Variants in LACTB2 observed in about 807,000 individuals in gnomAD.
The protein encoded by LACTB2 is lactamase beta 2.
LACTB2 carries 32 observed loss-of-function variants against 34.8 expected under a neutral mutation model. The observed-to-expected ratio is 0.92, with a 90% CI of 0.69 to 1.24. The LOEUF is 1.24. LACTB2 is among the 50% of genes most tolerant of loss of function. The pLI is 0.00. For missense variants in LACTB2, 320 were observed against 345.0 expected (o/e 0.93, Z 0.57); for synonymous variants, 120 against 117.5 (o/e 1.02, Z -0.14).
At chr8:70,643,420 A>C (rs1390234579) in intron 4 of LACTB2, among the ~76,000 whole-genome samples, 1 of 151,424 alleles carries the variant, frequency 6.6e-6, no homozygotes, top group Non-Finnish European at 1.5e-5. Flanking sequence ...ACAGGGTTTC[A>C]CCATGTTGGC....
chr8:70,652,678 G>A (rs1818357659), intron 3 of LACTB2: 1 of 152,180 alleles, frequency 6.6e-6, no homozygotes, highest in African/African-American at 2.4e-5. Flanking sequence ...CACTGATACT[G>A]TTCCGTTTCT....
intron 3 of LACTB2, among the ~76,000 whole-genome samples, chr8:70,652,315 G>C (rs1358166476): frequency 6.6e-6 from 1 of 151,984 alleles, no homozygotes; most frequent in Non-Finnish European, 1.5e-5. Flanking sequence ...CAAAGGTTTT[G>C]CTTAAAATAT....
chr8:70,649,292 G>A (rs558732851), intron 3 of LACTB2, among the ~76,000 whole-genome samples: 8 of 152,226 alleles, frequency 5.3e-5, no homozygotes, highest in Middle Eastern at 3.4e-3. Flanking sequence ...CATCAGGCCC[G>A]GAGGAAAACA....
intron 1 of LACTB2, 118 bp downstream of exon 1, chr8:70,668,881 G>T (rs1586793402): frequency 7.2e-7 from 1 of 1,397,714 alleles, no homozygotes; most frequent in Admixed American, 2.3e-5. Context: ...CTAGGCGCGG[G>T]GCTGCCCAGC....
intron 2 of LACTB2, among the ~76,000 whole-genome samples, chr8:70,659,066 T>C (rs1417398256): frequency 6.6e-6 from 1 of 152,072 alleles, no homozygotes; most frequent in African/African-American, 2.4e-5. Flanking sequence ...GCATGACATA[T>C]GTGTGACAAC....
Position 70,657,781 on chromosome 8 carries a change from T to C in LACTB2, c.388A>G (p.Ile130Val). The C allele has an allele frequency of 6.2e-7, 1 of 1,613,068 alleles. No individual in the cohort carries two copies. The highest frequency in any genetic ancestry group is 1.1e-5 in the South Asian group (1 of 91,010). The change falls in exon 3 of 7, where the codon ATT (isoleucine) becomes GTT (valine). Residue 130 changes from isoleucine to valine, a missense_variant. Transcript: ENST00000276590. ...CTTAGAGTGGCTCCCTCAGTCTTAA[T>C]CACATCTCCATCTTTCAGATAAACA... ...QYVYLKDGDV[I>V]KTEGATLRVL...
chr8:70,665,896 A>T (rs776535873), intron 1 of LACTB2, among the ~76,000 whole-genome samples: 2 of 152,206 alleles, frequency 1.3e-5, no homozygotes, highest in Non-Finnish European at 2.9e-5. Flanking sequence ...TCTTGAGCAG[A>T]GGAGGAAAGT....
chr8:70,652,208 C>T (rs1818352247), intron 3 of LACTB2, among the ~76,000 whole-genome samples: 1 of 152,110 alleles, frequency 6.6e-6, no homozygotes. Flanking sequence ...CAGATTTTAA[C>T]CTTCTATTTA....
chr8:70,642,035 T>C (rs907173743), intron 4 of LACTB2, among the ~76,000 whole-genome samples: 3 of 152,196 alleles, frequency 2.0e-5, no homozygotes, highest in Non-Finnish European at 4.4e-5. Flanking sequence ...ACCTGATGGC[T>C]AGAAGACTTT....
intron 3 of LACTB2, among the ~76,000 whole-genome samples, chr8:70,645,558 G>A (rs1249364196): frequency 2.0e-5 from 3 of 150,748 alleles, no homozygotes; most frequent in Admixed American, 6.6e-5. Flanking sequence ...GGTTAGTTAC[G>A]TATGTATACA....
At chr8:70,657,706 C>T in intron 3 of LACTB2, 50 bp downstream of exon 3, 1 of 1,499,078 alleles carries the variant, frequency 6.7e-7, no homozygotes, top group Non-Finnish European at 8.9e-7. Flanking sequence ...TTTTCTATAA[C>T]ACACATACAC....
At chr8:70,641,768 T>C (rs1324390870) in intron 4 of LACTB2, among the ~76,000 whole-genome samples, 1 of 152,196 alleles carries the variant, frequency 6.6e-6, no homozygotes, top group Non-Finnish European at 1.5e-5. Flanking sequence ...TTTAAGACAG[T>C]ACACATTAAT....
chr8:70,662,060 C>A, intron 1 of LACTB2, 163 bp from the exon 2 acceptor site: 1 of 536,090 alleles, frequency 1.9e-6, no homozygotes, highest in South Asian at 3.4e-5. Flanking sequence ...AGTAATCTCA[C>A]CCTAAGAAAG....
chr8:70,668,762 T>G (rs962810164), intron 1 of LACTB2, among the ~76,000 whole-genome samples: 3 of 151,206 alleles, frequency 2.0e-5, no homozygotes, highest in African/African-American at 4.9e-5. Flanking sequence ...TTTTTTTTTT[T>G]TTTTTTTTTT....
At chr8:70,654,815 AC>A (rs1818389463) in intron 3 of LACTB2, 1 of 152,532 alleles carries the variant, frequency 6.6e-6, no homozygotes, top group Non-Finnish European at 1.5e-5. Context: ...GAACTCCTGG[AC>A]TTAAGTGATC....
At chr8:70,650,592 T>A (rs1398240628) in intron 3 of LACTB2, among the ~76,000 whole-genome samples, 1 of 150,964 alleles carries the variant, frequency 6.6e-6, no homozygotes, top group African/African-American at 2.4e-5. Context: ...TAGCTGGGCG[T>A]GGTGGCGGAT....
chr8:70,658,157 G>A (rs1283340962), intron 2 of LACTB2, among the ~76,000 whole-genome samples: 3 of 152,130 alleles, frequency 2.0e-5, no homozygotes, highest in Non-Finnish European at 4.4e-5. Flanking sequence ...AAATTTAAAA[G>A]TAGCTAGCTT....
At chr8:70,644,755 C>T (rs1818241162) in intron 3 of LACTB2, among the ~76,000 whole-genome samples, 1 of 152,176 alleles carries the variant, frequency 6.6e-6, no homozygotes, top group South Asian at 2.1e-4. Context: ...GCTGGGATTA[C>T]AGGCATTAGC....
Position 70,638,648 on chromosome 8 carries a change from TG to T in LACTB2, c.742-20del. The T allele has an allele frequency of 9.0e-6, 12 of 1,327,036 alleles. No homozygotes were observed. Among genetic ancestry groups the T allele is most frequent in the Non-Finnish European group, 1.1e-5 (11 of 1,028,324 alleles). 82.2% of individuals were successfully genotyped at this position (1,327,036 alleles called of 1,614,324 possible). ...GAGTATTCTAAAAGAAAAATGAAGG[TG>T]AAAAAAATTCCTTTTTTTTTAAAAA... On this transcript the variant is annotated intron_variant, in intron 5 of 6. Coordinates refer to ENST00000276590, the MANE Select transcript of LACTB2 (RefSeq NM_016027.3).
Sources: gnomAD v4.1 joint callset for allele counts (sites outside exome capture counted in the v4.1 genomes callset) on GRCh38, gnomAD v4.1.1 for gene constraint, MANE v1.5 for transcripts, NCBI Gene and HGNC (gene_info 2026-07-23, HGNC 2026-07-21) for gene names.